ANKRD18B: variants seen among roughly 807,000 people sequenced by gnomAD.
ANKRD18B encodes ankyrin repeat domain-containing protein 18B.
In ANKRD18B, 75 loss-of-function variants were observed where a neutral mutation model predicts 111.8. That is an observed-to-expected ratio of 0.67 (90% CI 0.56 to 0.81). The LOEUF is 0.81. Ranked by LOEUF, ANKRD18B falls within the 40% of genes least tolerant of loss-of-function variation. ANKRD18B has a pLI of 0.00. For synonymous variants in ANKRD18B, 356 were observed against 417.3 expected (o/e 0.85, Z 1.79); for missense variants, 1,038 against 1,225.5 (o/e 0.85, Z 2.28).
At chr9:33,525,769 T>C (rs1828017285) in intron 1 of ANKRD18B, among the ~76,000 whole-genome samples, 1 of 149,818 alleles carries the variant, frequency 6.7e-6, no homozygotes, top group African/African-American at 2.4e-5. Context: ...TATAAAAATA[T>C]ATATTCAGAT....
chr9:33,553,163 C>A (rs1483581211), intron 12 of ANKRD18B, among the ~76,000 whole-genome samples: 1 of 149,936 alleles, frequency 6.7e-6, no homozygotes, highest in Non-Finnish European at 1.5e-5. Context: ...GAATTTGAGA[C>A]CAGCCAGAGC....
intron 10 of ANKRD18B, among the ~76,000 whole-genome samples, chr9:33,544,822 A>T (rs1281058602): frequency 6.6e-6 from 1 of 152,122 alleles, no homozygotes. Context: ...GGGCAACAAG[A>T]GTGAAAGTCC....
chr9:33,541,926 CT>C (rs1235416630), intron 9 of ANKRD18B, among the ~76,000 whole-genome samples: 2 of 152,160 alleles, frequency 1.3e-5, no homozygotes, highest in Admixed American at 1.3e-4. Context: ...GGTGATGCCC[CT>C]GTCACCATCC....
chr9:33,573,919 G>A (rs975958592), downstream of ANKRD18B, among the ~76,000 whole-genome samples: 10 of 144,754 alleles, frequency 6.9e-5, 1 homozygote, highest in Admixed American at 2.8e-4. Flanking sequence ...GTGGGGACCT[G>A]GTCAGTGGTG....
chr9:33,524,547 G>T lies in ANKRD18B; in HGVS notation c.58G>T (p.Asp20Tyr). Residue 20 changes from aspartate (D) to tyrosine (Y), a missense_variant, in exon 1 of 19, where the codon GAC (aspartate) becomes TAC (tyrosine). By Grantham distance (160) the Asp-to-Tyr change is radical (BLOSUM62 -3). Coordinates refer to ENST00000684830, the MANE Select transcript of ANKRD18B (RefSeq NM_001393611.1). ...RLGQALLSSM[D>Y]QEYAGRGYHI... is the part of the protein sequence containing the mutation. ...GGGCCAGGCGCTCCTGAGCTCCATGGACCAAGAGTATGCGGGTCGGGGGTA... is the reference window on the plus strand; with the variant it reads ...GGGCCAGGCGCTCCTGAGCTCCATGTACCAAGAGTATGCGGGTCGGGGGTA... 1 of 1,551,410 alleles carries T rather than the reference G, an allele frequency of 6.4e-7. No homozygotes were observed. The highest frequency in any genetic ancestry group is 1.2e-5 in the South Asian group (1 of 84,058).
downstream of ANKRD18B, among the ~76,000 whole-genome samples, chr9:33,573,763 A>T (rs13294500): frequency 1.4e-5 from 2 of 145,088 alleles, no homozygotes; most frequent in African/African-American, 4.9e-5. Context: ...CAAGGGCCTC[A>T]TCAGTGGACC....
At position 33,530,417 on chromosome 9, in the gene ANKRD18B, G is replaced by A. The variant is rs1261966595; in HGVS notation, c.495+1244G>A. ...GCCTAGGAGTTTGAGTCCAGCCTGA[G>A]GCGGGCAGATCACGAGGTCAGGAGA... On this transcript the variant is annotated intron_variant, in intron 3 of 18. Transcript: ENST00000684830. Among the ~76,000 whole-genome samples, 13 of 151,886 alleles carry A rather than the reference G, an allele frequency of 8.6e-5. No homozygotes were observed. The East Asian group carries it at 2.1e-3, about 25-fold the overall frequency.
chr9:33,558,742 T>C (rs1828564060), intron 14 of ANKRD18B, among the ~76,000 whole-genome samples: 1 of 152,136 alleles, frequency 6.6e-6, no homozygotes, highest in Admixed American at 6.5e-5. Flanking sequence ...ATTATGTAAT[T>C]TGGAGAAATA....
intron 12 of ANKRD18B, among the ~76,000 whole-genome samples, chr9:33,554,771 T>C (rs958323245): frequency 3.3e-5 from 5 of 152,060 alleles, no homozygotes; most frequent in African/African-American, 1.2e-4. Context: ...TCTGACAAAC[T>C]GGGCCCAGAA....
chr9:33,547,004 C>A (rs1171231099), intron 10 of ANKRD18B, among the ~76,000 whole-genome samples: 1 of 152,020 alleles, frequency 6.6e-6, no homozygotes, highest in Non-Finnish European at 1.5e-5. Flanking sequence ...TTTTTGATAT[C>A]CCAGGAACCA....
chr9:33,541,574 T>G (rs1468554702), intron 9 of ANKRD18B, among the ~76,000 whole-genome samples: 1 of 152,162 alleles, frequency 6.6e-6, no homozygotes, highest in African/African-American at 2.4e-5. Flanking sequence ...GTTCTGCACC[T>G]GTAATTCCAG....
intron 11 of ANKRD18B, among the ~76,000 whole-genome samples, chr9:33,549,286 G>T (rs1475670698): frequency 6.6e-6 from 1 of 152,190 alleles, no homozygotes; most frequent in African/African-American, 2.4e-5. Flanking sequence ...TACTGTATCA[G>T]CTTGGAAACA....
chr9:33,542,538 A>C (rs1433030648), intron 9 of ANKRD18B, among the ~76,000 whole-genome samples: 1 of 152,034 alleles, frequency 6.6e-6, no homozygotes, highest in African/African-American at 2.4e-5. Context: ...ACAGACCACT[A>C]TGCCTGACAA....
intron 13 of ANKRD18B, among the ~76,000 whole-genome samples, 200 bp from the exon 14 acceptor site, chr9:33,557,858 C>T (rs1261386843): frequency 1.3e-5 from 2 of 151,252 alleles, no homozygotes; most frequent in Non-Finnish European, 2.9e-5. Flanking sequence ...GCTATATATA[C>T]CATAAAATTG....
At chr9:33,564,220 A>G (rs1374701538) in intron 14 of ANKRD18B, among the ~76,000 whole-genome samples, 3 of 152,210 alleles carry the variant, frequency 2.0e-5, no homozygotes, top group Non-Finnish European at 1.5e-5. Context: ...TCGGTCTTTC[A>G]AAGTGCTAGG....
At chr9:33,558,834 A>G (rs1454884221) in intron 14 of ANKRD18B, among the ~76,000 whole-genome samples, 1 of 152,130 alleles carries the variant, frequency 6.6e-6, no homozygotes, top group East Asian at 1.9e-4. Context: ...GTGGCCCTGG[A>G]TTACCCAATC....
chr9:33,530,326 C>G (rs565717554), intron 3 of ANKRD18B, among the ~76,000 whole-genome samples: 20 of 152,150 alleles, frequency 1.3e-4, no homozygotes, highest in Non-Finnish European at 2.2e-4. Flanking sequence ...TTTCTTGAAG[C>G]CATGCACAGT....
chr9:33,546,450 G>C (rs10971558), intron 10 of ANKRD18B, among the ~76,000 whole-genome samples: 6,111 of 152,162 alleles, frequency 0.04, 137 homozygotes, highest in East Asian at 0.054. Context: ...GTTTTGACAT[G>C]TATGATTTTA....
chr9:33,547,612 T>A (rs1828376030), intron 10 of ANKRD18B, among the ~76,000 whole-genome samples: 1 of 151,904 alleles, frequency 6.6e-6, no homozygotes, highest in Non-Finnish European at 1.5e-5. Flanking sequence ...TTAAACAACT[T>A]TATGCTTTGA....
Sources: gnomAD v4.1 joint callset for allele counts (sites outside exome capture counted in the v4.1 genomes callset) on GRCh38, gnomAD v4.1.1 for gene constraint, MANE v1.5 for transcripts, NCBI Gene and HGNC (gene_info 2026-07-23, HGNC 2026-07-21) for gene names.